Variants in CYP2C8 observed in about 807,000 individuals in gnomAD.
CYP2C8 encodes the protein cytochrome P450 2C8.
CYP2C8 carries 51 observed loss-of-function variants against 41.3 expected under a neutral mutation model. The observed-to-expected ratio is 1.24, with a 90% confidence interval of 0.99 to 1.56. CYP2C8 has a LOEUF of 1.56. Ranked by LOEUF, CYP2C8 falls within the 40% of genes most tolerant of loss-of-function variation. The pLI, the probability that CYP2C8 is intolerant of heterozygous loss-of-function variation, is 0.00. For missense variants in CYP2C8, 651 were observed against 579.9 expected (o/e 1.12, Z -1.26); for synonymous variants, 218 against 205.8 (o/e 1.06, Z -0.51).
intron 6 of CYP2C8, among the ~76,000 whole-genome samples, chr10:95,045,183 G>A (rs1447921745): frequency 6.6e-6 from 1 of 152,200 alleles, no homozygotes; most frequent in African/African-American, 2.4e-5. Context: ...AAGAAAAGTT[G>A]TATGTGAAAG....
intron 7 of CYP2C8, among the ~76,000 whole-genome samples, chr10:95,040,726 G>T (rs537960272): frequency 6.6e-6 from 1 of 152,248 alleles, no homozygotes; most frequent in East Asian, 1.9e-4. Context: ...CATTATAATT[G>T]CCTATGAGAG....
chr10:95,045,745 G>C, intron 6 of CYP2C8, 65 bp downstream of exon 6: 1 of 1,592,038 alleles, frequency 6.3e-7, no homozygotes, highest in Non-Finnish European at 8.6e-7. Flanking sequence ...ACAAGGTGGA[G>C]GATACTGGCA....
At chr10:95,055,204 C>G (rs2033293140) in intron 5 of CYP2C8, among the ~76,000 whole-genome samples, 1 of 151,840 alleles carries the variant, frequency 6.6e-6, no homozygotes, top group Non-Finnish European at 1.5e-5. Flanking sequence ...GACTTCAAAA[C>G]AAAACTATAG....
At chr10:95,054,042 C>T (rs976483077) in intron 5 of CYP2C8, among the ~76,000 whole-genome samples, 1 of 151,920 alleles carries the variant, frequency 6.6e-6, no homozygotes, top group African/African-American at 2.4e-5. Flanking sequence ...AATCTAAAAG[C>T]TTATGCCCTA....
chr10:95,064,734 T>G, intron 4 of CYP2C8, 66 bp downstream of exon 4: 1 of 1,512,126 alleles, frequency 6.6e-7, no homozygotes, highest in Non-Finnish European at 9.1e-7. Flanking sequence ...TTTCTCATTT[T>G]TAAACCAAGT....
At position 95,067,278 on chromosome 10, in the gene CYP2C8, C is replaced by T. The variant is rs2033589735; in HGVS notation, c.411G>A (p.Gly137=). 3.7e-6 allele frequency: 6 copies of T among 1,614,190 alleles called. No homozygotes were observed. The highest frequency in any genetic ancestry group is 1.1e-5 in the South Asian group (1 of 91,080). ...GAACACGGTCCTCAATGCTCCTCTT[C>T]CCCATCCCAAAATTCCGCAAGGTTG... The part of the protein sequence containing the change: ...SLTTLRNFGM[G]KRSIEDRVQE... Residue 137 remains glycine, a synonymous_variant, in exon 3 of 9, where the codon GGG becomes GGA. Coordinates refer to ENST00000371270, the MANE Select transcript of CYP2C8 (RefSeq NM_000770.3).
intron 3 of CYP2C8, among the ~76,000 whole-genome samples, chr10:95,065,550 A>G (rs1424390856): frequency 6.6e-6 from 1 of 152,216 alleles, no homozygotes; most frequent in Non-Finnish European, 1.5e-5. Flanking sequence ...TAAAATGCTA[A>G]CTTTTTATTT....
rs147283973 is a variant in CYP2C8, at chr10:95,040,355, C to A, written c.1150-1317G>T. On this transcript the variant is annotated intron_variant, in intron 7 of 8. Coordinates refer to ENST00000371270, the MANE Select transcript of CYP2C8 (RefSeq NM_000770.3). Reference sequence around the variant, plus strand: ...AAAAATCAGTGATAATTAGGGAAAACCCCATCACATCTTGATAAGTTATCA... The same window carrying A: ...AAAAATCAGTGATAATTAGGGAAAAACCCATCACATCTTGATAAGTTATCA... Among the ~76,000 whole-genome samples the A allele has an allele frequency of 3.4e-3, 511 of 152,246 alleles. 5 individuals carry two copies. The highest frequency in any genetic ancestry group is 0.012 in the African/African-American group (482 of 41,536).
chr10:95,061,621 T>C (rs2033438121), intron 4 of CYP2C8, among the ~76,000 whole-genome samples: 1 of 152,216 alleles, frequency 6.6e-6, no homozygotes, highest in South Asian at 2.1e-4. Flanking sequence ...TTGAAGGGTT[T>C]TTTGTGTCTC....
At position 95,067,606 on chromosome 10, in the gene CYP2C8, T is replaced by C. The variant is rs776037747; in HGVS notation, c.254A>G (p.Glu85Gly). 15 of 1,614,070 alleles carry C rather than the reference T, an allele frequency of 9.3e-6. No homozygotes were observed. Among genetic ancestry groups the C allele is most frequent in the Non-Finnish European group, 1.2e-5 (14 of 1,180,020 alleles). ...VVFHGYEAVK[E>G]ALIDNGEEFS... The stretch of plus-strand genomic sequence containing the variant: ...CTCCTCTCCATTATCAATCAGGGCT[T>C]CCTTCACTGCCTCATATCCATGAAA... Residue 85 changes from glutamate (E) to glycine (G), a missense_variant, in exon 2 of 9, where the codon GAA (glutamate) becomes GGA (glycine). Coordinates refer to ENST00000371270, the MANE Select transcript of CYP2C8 (RefSeq NM_000770.3).
intron 5 of CYP2C8, among the ~76,000 whole-genome samples, chr10:95,050,989 G>A (rs768918116): frequency 1.3e-5 from 2 of 152,074 alleles, no homozygotes; most frequent in African/African-American, 4.8e-5. Context: ...CTCACCACAC[G>A]AACTAAATAA....
At chr10:95,064,565 C>A (rs768017320) in intron 4 of CYP2C8, among the ~76,000 whole-genome samples, 1 of 152,170 alleles carries the variant, frequency 6.6e-6, no homozygotes, top group Non-Finnish European at 1.5e-5. Flanking sequence ...ATTCCCTGAC[C>A]CCTTGCACTT....
chr10:95,040,733 A>C (rs774346447), intron 7 of CYP2C8, among the ~76,000 whole-genome samples: 12 of 152,206 alleles, frequency 7.9e-5, no homozygotes, highest in Non-Finnish European at 1.8e-4. Flanking sequence ...ATTGCCTATG[A>C]GAGGGGAATG....
Position 95,037,110 on chromosome 10 carries a change from C to G in CYP2C8, c.*18G>C. The G allele has an allele frequency of 6.2e-7, 1 of 1,613,046 alleles. No individual in the cohort carries two copies. Among genetic ancestry groups the G allele is most frequent in the Non-Finnish European group, 8.5e-7 (1 of 1,179,154 alleles). On this transcript the variant is annotated 3_prime_UTR_variant, in exon 9 of 9. Transcript: ENST00000371270. ...TTGCAGGTGATAGCAGATCGGCAGC[C>G]AGATGGGCTAGCATTCTTCAGACAG...
intron 5 of CYP2C8, among the ~76,000 whole-genome samples, chr10:95,056,609 A>T (rs1453974379): frequency 6.6e-6 from 1 of 152,188 alleles, no homozygotes; most frequent in Non-Finnish European, 1.5e-5. Flanking sequence ...ATCTTAGTTG[A>T]CCCTCCATAT....
At position 95,069,230 on chromosome 10, in the gene CYP2C8, C is replaced by CT; in HGVS notation, c.168+4dup. 6.2e-7 allele frequency: 1 copy of CT among 1,614,118 alleles called. No homozygotes were observed. Among genetic ancestry groups the CT allele is most frequent in the Non-Finnish European group, 8.5e-7 (1 of 1,179,994 alleles). On this transcript the variant is annotated splice_donor_region_variant and intron_variant, in intron 1 of 8. Coordinates refer to ENST00000371270, the MANE Select transcript of CYP2C8 (RefSeq NM_000770.3). ...ATTGGCTGGAGGAACATAAGGCAGA[C>CT]TTACATTGGTGAAAGATTTGCAGAT...
chr10:95,067,694 GGGAAA>G lies in CYP2C8; in HGVS notation c.169-8_169-4del. On this transcript the variant is annotated splice_region_variant and splice_polypyrimidine_tract_variant and intron_variant, in intron 1 of 8. Transcript: ENST00000371270. ...ACAGGACCATAGACTTTTGAGAACT[GGGAAA>G]GGAAATGCAAATAGCAGCAAAATAA... 6.2e-7 allele frequency: 1 copy of G among 1,614,050 alleles called. No individual in the cohort carries two copies. Among genetic ancestry groups the G allele is most frequent in the Non-Finnish European group, 8.5e-7 (1 of 1,179,972 alleles).
At chr10:95,052,726 T>C (rs1246920924) in intron 5 of CYP2C8, among the ~76,000 whole-genome samples, 1 of 152,060 alleles carries the variant, frequency 6.6e-6, no homozygotes, top group African/African-American at 2.4e-5. Flanking sequence ...TGAAAAATTA[T>C]TCGATAAAAT....
intron 3 of CYP2C8, among the ~76,000 whole-genome samples, chr10:95,065,343 GA>G (rs1195641117): frequency 6.6e-6 from 1 of 152,220 alleles, no homozygotes; most frequent in Non-Finnish European, 1.5e-5. Flanking sequence ...GATAGGAAGA[GA>G]AAAGTTGGGG....
Sources: gnomAD v4.1 joint callset for allele counts (sites outside exome capture counted in the v4.1 genomes callset) on GRCh38, gnomAD v4.1.1 for gene constraint, MANE v1.5 for transcripts, NCBI Gene and HGNC (gene_info 2026-07-23, HGNC 2026-07-21) for gene names.